The following CTNNA3 variants were observed in gnomAD, a reference collection of about 807,000 sequenced individuals.
CTNNA3 encodes the protein catenin alpha 3, also known as catenin alpha-3.
CTNNA3 carries 76 observed loss-of-function variants against 95.7 expected under a neutral mutation model. That is an observed-to-expected ratio of 0.79 (90% CI 0.66 to 0.96). The LOEUF is 0.96. CTNNA3 is among the 40% of genes least tolerant of loss of function. The pLI is 0.00. For missense variants in CTNNA3, 1,191 were observed against 1,089.8 expected, an observed-to-expected ratio of 1.09 and a Z score of -1.31; for synonymous variants, 431 against 374.4, an observed-to-expected ratio of 1.15 and a Z score of -1.74.
At chr10:66,943,888 A>C (rs1015202542) in intron 7 of CTNNA3, among the ~76,000 whole-genome samples, 16 of 152,214 alleles carry the variant, frequency 1.1e-4, no homozygotes, top group African/African-American at 3.4e-4. Context: ...TTATAATTTA[A>C]AAATACTTTA....
chr10:67,346,643 T>A (rs1842426205), intron 5 of CTNNA3: 1 of 488,814 alleles, frequency 2.0e-6, no homozygotes, highest in Non-Finnish European at 4.1e-6. Context: ...GAGAGAAACT[T>A]CTAGTTATAA....
At chr10:66,017,680 T>C (rs1385435727) in intron 15 of CTNNA3, among the ~76,000 whole-genome samples, 1 of 152,088 alleles carries the variant, frequency 6.6e-6, no homozygotes, top group Non-Finnish European at 1.5e-5. Flanking sequence ...TTAGGATGGA[T>C]CATCCTAAAT....
At chr10:66,420,841 A>ATTAATTAATTAAT (rs1324728982) in intron 11 of CTNNA3, among the ~76,000 whole-genome samples, 1 of 147,622 alleles carries the variant, frequency 6.8e-6, no homozygotes, top group African/African-American at 2.5e-5. Context: ...AAATAAATAA[A>ATTAATTAATTAAT]AAACAATATG....
intron 5 of CTNNA3, among the ~76,000 whole-genome samples, chr10:67,223,832 T>TAAACAC (rs1864767346): frequency 6.6e-6 from 1 of 152,108 alleles, no homozygotes; most frequent in Admixed American, 6.5e-5. Context: ...GGGAGACAAA[T>TAAACAC]AAACACATTT....
intron 5 of CTNNA3, among the ~76,000 whole-genome samples, chr10:67,297,555 C>A (rs1840096046): frequency 6.6e-6 from 1 of 152,202 alleles, no homozygotes; most frequent in Non-Finnish European, 1.5e-5. Flanking sequence ...CACATATTTT[C>A]CTTCTCTGTT....
chr10:66,404,858 C>T (rs968278526), intron 11 of CTNNA3, among the ~76,000 whole-genome samples: 2 of 151,710 alleles, frequency 1.3e-5, no homozygotes, highest in Middle Eastern at 3.2e-3. Context: ...TCCACTGTGG[C>T]CCAGGGAAGC....
intron 7 of CTNNA3, among the ~76,000 whole-genome samples, chr10:66,995,895 T>A (rs1291214238): frequency 6.6e-6 from 1 of 152,216 alleles, no homozygotes; most frequent in Non-Finnish European, 1.5e-5. Flanking sequence ...TAAGAACTAA[T>A]ATTTATGGAG....
At position 66,028,298 on chromosome 10, in the gene CTNNA3, A is replaced by G. The variant is rs562301225; in HGVS notation, c.2160-39501T>C. ...TGCTGCTATAAAGACACATGCACAC[A>G]TATGTTTATTGTAGCACTATTCACA... is the stretch of plus-strand genomic sequence containing the variant. On this transcript the variant is annotated intron_variant, in intron 15 of 17. Coordinates refer to ENST00000433211, the MANE Select transcript of CTNNA3 (RefSeq NM_013266.4). Among the ~76,000 whole-genome samples, 4 of 152,306 alleles carry G rather than the reference A, an allele frequency of 2.6e-5. No homozygotes were observed. The East Asian group carries it at 7.7e-4, about 29-fold the overall frequency.
intron 17 of CTNNA3, among the ~76,000 whole-genome samples, chr10:65,957,250 T>G (rs1384195052): frequency 6.6e-6 from 1 of 152,186 alleles, no homozygotes; most frequent in Non-Finnish European, 1.5e-5. Context: ...TGGCAGATCT[T>G]CCTCCATCCC....
At chr10:67,623,517 C>T (rs1843919478) in intron 2 of CTNNA3, among the ~76,000 whole-genome samples, 1 of 152,054 alleles carries the variant, frequency 6.6e-6, no homozygotes, top group Non-Finnish European at 1.5e-5. Flanking sequence ...AAACATGGTG[C>T]TTGGAAAAGC....
At chr10:66,032,927 G>A (rs1264974710) in intron 15 of CTNNA3, among the ~76,000 whole-genome samples, 1 of 152,090 alleles carries the variant, frequency 6.6e-6, no homozygotes, top group East Asian at 1.9e-4. Flanking sequence ...CAAGGGACTT[G>A]CCCAAGGTCA....
intron 3 of CTNNA3, among the ~76,000 whole-genome samples, chr10:67,601,571 G>C (rs1843085334): frequency 1.3e-5 from 2 of 152,140 alleles, no homozygotes; most frequent in Admixed American, 6.5e-5. Flanking sequence ...TAGAAGCAAT[G>C]TCTAGAGATT....
intron 5 of CTNNA3, among the ~76,000 whole-genome samples, chr10:67,452,572 T>C (rs1564659823): frequency 1.3e-5 from 2 of 152,204 alleles, no homozygotes; most frequent in African/African-American, 2.4e-5. Flanking sequence ...TTGGGTTGCA[T>C]TGTAAGTATA....
intron 5 of CTNNA3, among the ~76,000 whole-genome samples, chr10:67,274,232 T>A (rs964850248): frequency 5.9e-5 from 9 of 151,856 alleles, no homozygotes; most frequent in Admixed American, 4.6e-4. Context: ...ACAAAAGAAA[T>A]GGAAGAAGAG....
intron 5 of CTNNA3, among the ~76,000 whole-genome samples, chr10:67,332,133 T>C (rs1460335393): frequency 1.3e-5 from 2 of 152,212 alleles, no homozygotes; most frequent in Non-Finnish European, 2.9e-5. Flanking sequence ...TAATGAGATG[T>C]AGACAAAATA....
intron 7 of CTNNA3, chr10:67,099,456 C>A (rs962521230): frequency 2.0e-5 from 3 of 151,476 alleles, no homozygotes; most frequent in African/African-American, 7.3e-5. Context: ...CCAATCAAAA[C>A]AATGAAGAAA....
chr10:66,721,011 A>G (rs750802133), intron 9 of CTNNA3, among the ~76,000 whole-genome samples: 4 of 152,112 alleles, frequency 2.6e-5, no homozygotes, highest in Admixed American at 6.5e-5. Context: ...CAGACCCACA[A>G]ATATTTTTAT....
At chr10:66,250,224 T>C (rs1826763794) in intron 13 of CTNNA3, among the ~76,000 whole-genome samples, 1 of 152,034 alleles carries the variant, frequency 6.6e-6, no homozygotes, top group Non-Finnish European at 1.5e-5. Context: ...ATTAAATCAA[T>C]TGAATTCGTG....
At chr10:67,364,211 C>T (rs1204945513) in intron 5 of CTNNA3, among the ~76,000 whole-genome samples, 1 of 152,094 alleles carries the variant, frequency 6.6e-6, no homozygotes, top group East Asian at 1.9e-4. Flanking sequence ...ATAAACAGTA[C>T]CAATGACAAA....
Sources: allele counts gnomAD v4.1 joint callset (sites outside exome capture counted in the v4.1 genomes callset), GRCh38; gene constraint gnomAD v4.1.1; transcripts MANE v1.5; gene names NCBI Gene and HGNC (gene_info 2026-07-23, HGNC 2026-07-21).